IQCM: variants seen among roughly 807,000 people sequenced by gnomAD.
The protein encoded by IQCM is IQ motif containing M, also known as IQ domain-containing protein M.
IQCM carries 45 observed loss-of-function variants against 57.6 expected under a neutral mutation model. The ratio of observed to expected loss-of-function variants is 0.78; its 90% CI spans 0.62 to 1.00. The LOEUF is 1.00. Ranked by LOEUF, IQCM falls within the 50% of genes least tolerant of loss-of-function variation. The probability of loss-of-function intolerance (pLI) is 0.00; values close to 1 mark genes in which losing one functional copy is unlikely to be tolerated. For synonymous variants in IQCM, 148 were observed against 158.9 expected (o/e 0.93, Z 0.51); for missense variants, 468 against 511.6 (o/e 0.91, Z 0.82).
At chr4:149,618,008 C>T (rs1755951363) in intron 8 of IQCM, among the ~76,000 whole-genome samples, 1 of 151,938 alleles carries the variant, frequency 6.6e-6, no homozygotes, top group African/African-American at 2.4e-5. Flanking sequence ...ACAAATAATC[C>T]TAAAATTTAT....
chr4:149,584,574 A>T (rs1236909711), intron 9 of IQCM, among the ~76,000 whole-genome samples: 1 of 151,740 alleles, frequency 6.6e-6, no homozygotes, highest in Non-Finnish European at 1.5e-5. Context: ...CAGTAAATTC[A>T]TTCTAAATGT....
intron 13 of IQCM, among the ~76,000 whole-genome samples, chr4:149,412,062 GTGTT>G (rs1231150286): frequency 8.1e-6 from 1 of 123,192 alleles, no homozygotes; most frequent in Non-Finnish European, 1.8e-5. Context: ...TTTAGTGTGT[GTGTT>G]TGTGTGTGTG....
intron 5 of IQCM, among the ~76,000 whole-genome samples, chr4:149,693,051 A>G (rs974104386): frequency 2.6e-5 from 4 of 152,194 alleles, no homozygotes; most frequent in African/African-American, 9.6e-5. Context: ...AAAAGACTCT[A>G]GTCTCTAGCA....
intron 5 of IQCM, among the ~76,000 whole-genome samples, chr4:149,702,848 T>G (rs1489899419): frequency 6.6e-6 from 1 of 151,960 alleles, no homozygotes; most frequent in Non-Finnish European, 1.5e-5. Context: ...AACTTTTTTA[T>G]CTGAGGGATC....
intron 5 of IQCM, among the ~76,000 whole-genome samples, chr4:149,703,118 A>G (rs1289320190): frequency 1.3e-5 from 2 of 152,040 alleles, no homozygotes; most frequent in Admixed American, 6.6e-5. Context: ...AATGTGCAAA[A>G]CTGTCTTCAT....
At chr4:149,729,622 G>T (rs954467974) in intron 5 of IQCM, among the ~76,000 whole-genome samples, 2 of 151,970 alleles carry the variant, frequency 1.3e-5, no homozygotes, top group African/African-American at 2.4e-5. Flanking sequence ...TTACAGGAGC[G>T]TATCACCATG....
At chr4:149,679,966 CA>C (rs1253815542) in intron 7 of IQCM, among the ~76,000 whole-genome samples, 3 of 151,040 alleles carry the variant, frequency 2.0e-5, no homozygotes, top group Non-Finnish European at 4.4e-5. Flanking sequence ...TAAATTATTC[CA>C]AAAAAATGAA....
chr4:149,744,275 ATGAACT>A (rs1767722206), intron 2 of IQCM, among the ~76,000 whole-genome samples: 1 of 152,224 alleles, frequency 6.6e-6, no homozygotes, highest in South Asian at 2.1e-4. Flanking sequence ...AGTTCTGCAA[ATGAACT>A]GGGATAAATT....
At chr4:149,510,088 A>C (rs2149807749) in intron 12 of IQCM, among the ~76,000 whole-genome samples, 1 of 152,268 alleles carries the variant, frequency 6.6e-6, no homozygotes, top group South Asian at 2.1e-4. Flanking sequence ...AATATAGCAA[A>C]ATTTCCACGT....
At chr4:149,354,853 G>A (rs1257448354) in intron 13 of IQCM, among the ~76,000 whole-genome samples, 1 of 152,082 alleles carries the variant, frequency 6.6e-6, no homozygotes, top group Non-Finnish European at 1.5e-5. Flanking sequence ...CTCTTCAGTT[G>A]TAATGAATGT....
At chr4:149,550,957 T>G (rs776728856) in intron 11 of IQCM, among the ~76,000 whole-genome samples, 2 of 152,172 alleles carry the variant, frequency 1.3e-5, no homozygotes, top group Non-Finnish European at 2.9e-5. Context: ...TTTATTCTGT[T>G]TTTGCCACAT....
intron 13 of IQCM, among the ~76,000 whole-genome samples, chr4:149,352,827 A>C (rs1310611436): frequency 6.6e-6 from 1 of 152,202 alleles, no homozygotes; most frequent in Non-Finnish European, 1.5e-5. Flanking sequence ...CTTTGCAATT[A>C]ATAAATAAAA....
chr4:149,734,854 T>C (rs1015728553), intron 4 of IQCM, among the ~76,000 whole-genome samples: 2 of 152,134 alleles, frequency 1.3e-5, no homozygotes, highest in African/African-American at 4.8e-5. Flanking sequence ...CAGCAAATAT[T>C]TATTGAGCCA....
chr4:149,477,781 A>C (rs1047749766), intron 12 of IQCM, among the ~76,000 whole-genome samples: 1 of 152,166 alleles, frequency 6.6e-6, no homozygotes, highest in Non-Finnish European at 1.5e-5. Context: ...GGAGGGAATA[A>C]CTGGATATCA....
chr4:149,755,153 C>T (rs932887778), intron 2 of IQCM, among the ~76,000 whole-genome samples: 4 of 152,220 alleles, frequency 2.6e-5, no homozygotes, highest in Admixed American at 2.6e-4. Flanking sequence ...TTCTCTCTTA[C>T]CTGAATTATC....
rs1055067182 is a variant in IQCM at position 149,555,637 on chromosome 4, T to C, written c.949-2350A>G. ...CTTTATGTTTATGAACTTAGTTCTC[T>C]AGACTTCTGTACAATATCCTATTCA... On this transcript the variant is annotated intron_variant, in intron 10 of 13. Coordinates refer to ENST00000636793, the MANE Select transcript of IQCM (RefSeq NM_001363507.2). Among the ~76,000 whole-genome samples the C allele has an allele frequency of 3.3e-5, 5 of 152,232 alleles. No homozygotes were observed. In the East Asian group the frequency reaches 9.6e-4, roughly 29 times the overall value.
At chr4:149,521,329 GA>G (rs1560945670) in intron 12 of IQCM, among the ~76,000 whole-genome samples, 2 of 152,150 alleles carry the variant, frequency 1.3e-5, no homozygotes, top group African/African-American at 4.8e-5. Flanking sequence ...AAGGTAAGCG[GA>G]AGGGAGGGAG....
At chr4:149,757,297 A>G (rs1017264378) in intron 2 of IQCM, among the ~76,000 whole-genome samples, 3 of 152,030 alleles carry the variant, frequency 2.0e-5, no homozygotes, top group Admixed American at 2.0e-4. Flanking sequence ...AGAAAAAGAA[A>G]AGGAAAAAGG....
At chr4:149,734,670 C>A (rs961373555) in intron 4 of IQCM, among the ~76,000 whole-genome samples, 2 of 151,976 alleles carry the variant, frequency 1.3e-5, no homozygotes, top group Non-Finnish European at 2.9e-5. Flanking sequence ...GTTACCCTCC[C>A]CTCACCTGTC....
Sources: gnomAD v4.1 joint callset for allele counts (sites outside exome capture counted in the v4.1 genomes callset) on GRCh38, gnomAD v4.1.1 for gene constraint, MANE v1.5 for transcripts, NCBI Gene and HGNC (gene_info 2026-07-23, HGNC 2026-07-21) for gene names.